ZNF385D: variants seen among roughly 807,000 people sequenced by gnomAD.
The protein encoded by ZNF385D is zinc finger protein 659.
In ZNF385D, 15 loss-of-function variants were observed where a neutral mutation model predicts 35.8. That is an observed-to-expected ratio of 0.42 (90% CI 0.28 to 0.64). The LOEUF (loss-of-function observed/expected upper bound fraction) is 0.64, where lower values mean the gene tolerates loss of function less well. ZNF385D is among the 30% of genes least tolerant of loss of function. The probability of loss-of-function intolerance (pLI) is 0.23; values close to 1 mark genes in which losing one functional copy is unlikely to be tolerated. For synonymous variants in ZNF385D, 212 were observed against 186.8 expected, an observed-to-expected ratio of 1.13 and a Z score of -1.10; for missense variants, 474 against 494.6, an observed-to-expected ratio of 0.96 and a Z score of 0.39.
chr3:21,982,239 T>C (rs897143521), intron 3 of ZNF385D, among the ~76,000 whole-genome samples: 4 of 152,132 alleles, frequency 2.6e-5, no homozygotes, highest in African/African-American at 7.2e-5. Flanking sequence ...TTGTGTCTTG[T>C]CTTATTTCTT....
intron 2 of ZNF385D, among the ~76,000 whole-genome samples, chr3:22,347,189 T>C (rs1275103403): frequency 1.3e-5 from 2 of 152,224 alleles, no homozygotes; most frequent in African/African-American, 4.8e-5. Context: ...AATCATATGG[T>C]TTGCTCATAA....
intron 3 of ZNF385D, among the ~76,000 whole-genome samples, chr3:21,840,847 G>A (rs1695624366): frequency 6.6e-6 from 1 of 151,938 alleles, no homozygotes. Context: ...ATGCTGAGAG[G>A]AGATCAATCA....
chr3:22,303,044 C>T (rs1043107517), intron 2 of ZNF385D, among the ~76,000 whole-genome samples: 2 of 151,926 alleles, frequency 1.3e-5, no homozygotes, highest in Non-Finnish European at 2.9e-5. Context: ...TTGTTAATTG[C>T]ATTCTGCTAG....
chr3:22,035,909 G>C (rs1027222583), intron 3 of ZNF385D, among the ~76,000 whole-genome samples: 2 of 151,282 alleles, frequency 1.3e-5, no homozygotes, highest in African/African-American at 4.8e-5. Context: ...AAATGATTAG[G>C]GACACAGGTG....
At chr3:21,940,840 T>A (rs905343085) in intron 3 of ZNF385D, among the ~76,000 whole-genome samples, 6 of 152,154 alleles carry the variant, frequency 3.9e-5, no homozygotes, top group African/African-American at 1.4e-4. Context: ...ATCAATGTCA[T>A]AATACAGAAA....
intron 1 of ZNF385D, among the ~76,000 whole-genome samples, chr3:21,685,569 CCAA>C (rs2067077120): frequency 6.6e-6 from 1 of 152,126 alleles, no homozygotes; most frequent in Non-Finnish European, 1.5e-5. Flanking sequence ...CGGTCTTGCT[CCAA>C]CAAGAGGAAG....
chr3:22,110,705 G>A (rs952232885), intron 3 of ZNF385D, among the ~76,000 whole-genome samples: 3 of 151,710 alleles, frequency 2.0e-5, no homozygotes, highest in African/African-American at 7.3e-5. Flanking sequence ...AAGTTAATGG[G>A]TGCAGCACAC....
intron 3 of ZNF385D, among the ~76,000 whole-genome samples, chr3:21,836,439 C>T (rs569714364): frequency 6.6e-6 from 1 of 152,200 alleles, no homozygotes; most frequent in South Asian, 2.1e-4. Context: ...GAGGTTGAGA[C>T]AGTCAGCTGG....
chr3:21,992,904 G>A (rs1695231009), intron 3 of ZNF385D, among the ~76,000 whole-genome samples: 1 of 152,174 alleles, frequency 6.6e-6, no homozygotes, highest in Non-Finnish European at 1.5e-5. Context: ...ACTCCAAGCA[G>A]TGAAGTCACC....
chr3:22,046,380 C>T (rs941835903), intron 3 of ZNF385D, among the ~76,000 whole-genome samples: 1 of 152,066 alleles, frequency 6.6e-6, no homozygotes, highest in Non-Finnish European at 1.5e-5. Flanking sequence ...AAAGAATGCC[C>T]TGACAGCCCA....
At chr3:22,171,181 T>A (rs924243660) in intron 2 of ZNF385D, among the ~76,000 whole-genome samples, 6 of 152,178 alleles carry the variant, frequency 3.9e-5, no homozygotes, top group African/African-American at 1.4e-4. Flanking sequence ...GTGAACAGCT[T>A]AGGTTTGCCA....
At chr3:22,358,563 C>T (rs189754778) in intron 2 of ZNF385D, among the ~76,000 whole-genome samples, 138 of 151,496 alleles carry the variant, frequency 9.1e-4, no homozygotes, top group South Asian at 2.7e-3. Context: ...GGAGGAAGTG[C>T]GGTCATAAAA....
intron 3 of ZNF385D, among the ~76,000 whole-genome samples, chr3:22,067,511 C>A (rs1419788032): frequency 6.6e-6 from 1 of 152,160 alleles, no homozygotes; most frequent in Non-Finnish European, 1.5e-5. Flanking sequence ...TAGAAATCAT[C>A]TTTTAAGCTA....
chr3:21,840,974 G>C (rs193242916), intron 3 of ZNF385D, among the ~76,000 whole-genome samples: 11 of 152,060 alleles, frequency 7.2e-5, no homozygotes, highest in African/African-American at 2.6e-4. Flanking sequence ...ATCCAATCTG[G>C]GTTGGTCAAT....
intron 3 of ZNF385D, among the ~76,000 whole-genome samples, chr3:22,028,379 G>T (rs183362891): frequency 2.6e-5 from 4 of 152,168 alleles, no homozygotes; most frequent in Admixed American, 1.3e-4. Flanking sequence ...TGGAGGTTAC[G>T]CATGGGCTCA....
chr3:21,966,300 A>T (rs981706210), intron 3 of ZNF385D, among the ~76,000 whole-genome samples: 11 of 152,184 alleles, frequency 7.2e-5, no homozygotes, highest in African/African-American at 2.4e-4. Context: ...TGGAAAACAA[A>T]CTGAACTGGT....
intron 5 of ZNF385D, among the ~76,000 whole-genome samples, chr3:21,432,977 A>G (rs1701370190): frequency 1.2e-5 from 1 of 81,024 alleles, no homozygotes; most frequent in African/African-American, 3.0e-5. Context: ...GCTAATAATC[A>G]TGACATAATT....
At chr3:22,256,442 T>C (rs1404432326) in intron 2 of ZNF385D, among the ~76,000 whole-genome samples, 2 of 151,676 alleles carry the variant, frequency 1.3e-5, no homozygotes, top group East Asian at 1.9e-4. Context: ...TAAAATTGAA[T>C]TGATCATTTT....
At chr3:21,851,381 C>T (rs914090412) in intron 3 of ZNF385D, among the ~76,000 whole-genome samples, 9 of 151,968 alleles carry the variant, frequency 5.9e-5, no homozygotes, top group Non-Finnish European at 2.9e-5. Flanking sequence ...GTTAAATATA[C>T]ACTCAATATA....
Sources: allele counts gnomAD v4.1 joint callset (sites outside exome capture counted in the v4.1 genomes callset), GRCh38; gene constraint gnomAD v4.1.1; transcripts MANE v1.5; gene names NCBI Gene and HGNC (gene_info 2026-07-23, HGNC 2026-07-21).